Variants in LRMDA observed in about 807,000 individuals in gnomAD.
The protein encoded by LRMDA is leucine-rich melanocyte differentiation-associated protein.
Under a neutral mutation model 29.8 loss-of-function variants are expected in LRMDA, and 18 were observed. That is an observed-to-expected ratio of 0.60 (90% confidence interval 0.42 to 0.90). The LOEUF (loss-of-function observed/expected upper bound fraction) is 0.90. LRMDA is among the 40% of genes least tolerant of loss of function. The pLI, the probability that LRMDA is intolerant of heterozygous loss-of-function variation, is 0.00. For synonymous variants in LRMDA, 125 were observed against 109.4 expected (o/e 1.14, Z -0.89); for missense variants, 273 against 273.9 (o/e 1.00, Z 0.02).
chr10:76,116,581 T>A (rs1361747029), intron 5 of LRMDA, among the ~76,000 whole-genome samples: 1 of 152,112 alleles, frequency 6.6e-6, no homozygotes, highest in East Asian at 1.9e-4. Context: ...ACTCTCCTTA[T>A]CATATTCCCT....
chr10:75,774,344 G>A (rs775792187), intron 2 of LRMDA, among the ~76,000 whole-genome samples: 17 of 152,032 alleles, frequency 1.1e-4, no homozygotes, highest in Admixed American at 3.3e-4. Context: ...GGACTTGTTA[G>A]TATTTCTTCT....
chr10:75,582,798 C>G (rs1437529513), intron 2 of LRMDA, among the ~76,000 whole-genome samples: 1 of 152,112 alleles, frequency 6.6e-6, no homozygotes, highest in African/African-American at 2.4e-5. Flanking sequence ...ATATAAGTTC[C>G]TAGTTTACAT....
At chr10:75,818,801 G>A (rs1444492402) in intron 2 of LRMDA, among the ~76,000 whole-genome samples, 1 of 152,172 alleles carries the variant, frequency 6.6e-6, no homozygotes, top group Non-Finnish European at 1.5e-5. Flanking sequence ...CTGGCTGCTG[G>A]CACTAGTGAT....
In LRMDA at chr10:75,802,967, TA is replaced by T. The variant is rs1439539723; in HGVS notation, c.132-233040del. Among the ~76,000 whole-genome samples, 802 of 127,640 alleles carry T rather than the reference TA, an allele frequency of 6.3e-3. 8 individuals are homozygous for T. The highest frequency in any genetic ancestry group is 0.026 in the African/African-American group (746 of 28,186). 83.7% of individuals were successfully genotyped at this position (127,640 alleles called of 152,430 possible). ...GTGTGTGTGTGTGTATATATATATA[TA>T]TATATTTTTTTTTTTTTCTTAGCTC... On this transcript the variant is annotated intron_variant, in intron 2 of 6. Coordinates refer to ENST00000611255, the MANE Select transcript of LRMDA (RefSeq NM_001305581.2).
intron 6 of LRMDA, among the ~76,000 whole-genome samples, chr10:76,329,702 T>G (rs1840881047): frequency 6.6e-6 from 1 of 152,222 alleles, no homozygotes; most frequent in Admixed American, 6.5e-5. Flanking sequence ...ATATAGCAAC[T>G]TATTATAATT....
intron 2 of LRMDA, among the ~76,000 whole-genome samples, chr10:76,000,174 G>C (rs545357579): frequency 2.6e-5 from 4 of 152,282 alleles, no homozygotes; most frequent in African/African-American, 4.8e-5. Context: ...TTTGGTGATG[G>C]AGGTGGAGGA....
At chr10:76,393,523 A>T (rs1841747812) in intron 6 of LRMDA, among the ~76,000 whole-genome samples, 1 of 151,950 alleles carries the variant, frequency 6.6e-6, no homozygotes, top group African/African-American at 2.4e-5. Flanking sequence ...TTTGCTTAAT[A>T]ATGAGTTGTT....
intron 2 of LRMDA, among the ~76,000 whole-genome samples, chr10:75,835,796 C>T (rs746815549): frequency 6.6e-6 from 1 of 152,152 alleles, no homozygotes; most frequent in Non-Finnish European, 1.5e-5. Context: ...TCTGGGCTTT[C>T]ATTGCAATGA....
rs763819686 is a variant in LRMDA, at chr10:76,137,046, A to G, written c.516+78263A>G. Among the ~76,000 whole-genome samples, 27 of 152,256 alleles carry G rather than the reference A, an allele frequency of 1.8e-4. No homozygotes were observed. The South Asian group carries it at 3.3e-3, about 19-fold the overall frequency. ...GGCCACCTTACACCAAACCATTCCT[A>G]TCTCCATGCTTTTGTTTATGCTGTT... On this transcript the variant is annotated intron_variant, in intron 5 of 6. Coordinates refer to ENST00000611255, the MANE Select transcript of LRMDA (RefSeq NM_001305581.2).
chr10:75,505,167 A>G (rs574996293), intron 2 of LRMDA, among the ~76,000 whole-genome samples: 11 of 152,336 alleles, frequency 7.2e-5, no homozygotes, highest in African/African-American at 2.6e-4. Context: ...ACTCAAGAGT[A>G]GCTAACAAGA....
At chr10:75,961,293 C>A (rs1045321816) in intron 2 of LRMDA, among the ~76,000 whole-genome samples, 2 of 152,206 alleles carry the variant, frequency 1.3e-5, no homozygotes, top group Non-Finnish European at 2.9e-5. Context: ...TTTTATAGCA[C>A]CTGCATTTTC....
intron 2 of LRMDA, among the ~76,000 whole-genome samples, chr10:75,638,425 A>AG (rs1841413960): frequency 6.6e-6 from 1 of 152,198 alleles, no homozygotes; most frequent in Admixed American, 6.5e-5. Flanking sequence ...ATTTGTAAAA[A>AG]CTGTGTTCCA....
intron 5 of LRMDA, among the ~76,000 whole-genome samples, chr10:76,213,075 G>C (rs1851665345): frequency 6.6e-6 from 1 of 152,154 alleles, no homozygotes; most frequent in South Asian, 2.1e-4. Flanking sequence ...ATCCCAAATT[G>C]AGCATATGTG....
At chr10:75,488,478 G>A (rs1844943118) in intron 2 of LRMDA, among the ~76,000 whole-genome samples, 1 of 152,170 alleles carries the variant, frequency 6.6e-6, no homozygotes, top group South Asian at 2.1e-4. Context: ...TGATGACAAA[G>A]CCACTTAGTT....
intron 5 of LRMDA, among the ~76,000 whole-genome samples, chr10:76,090,965 A>G (rs1849221551): frequency 1.3e-5 from 2 of 152,206 alleles, no homozygotes; most frequent in Admixed American, 1.3e-4. Context: ...ATATTTAGAA[A>G]TGGTTAAGAT....
intron 2 of LRMDA, among the ~76,000 whole-genome samples, chr10:75,842,358 TC>T: frequency 6.6e-6 from 1 of 152,260 alleles, no homozygotes; most frequent in Non-Finnish European, 1.5e-5. Flanking sequence ...AATTTTTTTC[TC>T]TTGTTAGTTT....
chr10:76,319,863 A>T (rs1840747701), intron 5 of LRMDA, among the ~76,000 whole-genome samples: 1 of 152,144 alleles, frequency 6.6e-6, no homozygotes, highest in Non-Finnish European at 1.5e-5. Context: ...TGAGTTGTAG[A>T]GCTGTGGTCT....
intron 2 of LRMDA, among the ~76,000 whole-genome samples, chr10:75,809,084 G>C (rs1360812912): frequency 2.0e-5 from 3 of 151,950 alleles, no homozygotes; most frequent in Admixed American, 6.6e-5. Context: ...CCATCCTCTG[G>C]GGGTCAGCTT....
At chr10:75,639,656 C>T (rs1284463487) in intron 2 of LRMDA, among the ~76,000 whole-genome samples, 1 of 152,188 alleles carries the variant, frequency 6.6e-6, no homozygotes, top group Non-Finnish European at 1.5e-5. Flanking sequence ...CAGCCCCCTC[C>T]CGCCCTGTGC....
Sources: gnomAD v4.1 joint callset for allele counts (sites outside exome capture counted in the v4.1 genomes callset) on GRCh38, gnomAD v4.1.1 for gene constraint, MANE v1.5 for transcripts, NCBI Gene and HGNC (gene_info 2026-07-23, HGNC 2026-07-21) for gene names.